SSBP3: variants seen among roughly 807,000 people sequenced by gnomAD.
SSBP3 encodes single-stranded DNA-binding protein 3.
A neutral mutation model predicts 69.6 loss-of-function variants in SSBP3; 5 were observed. That is an observed-to-expected ratio of 0.07 (90% CI 0.04 to 0.15). The LOEUF (loss-of-function observed/expected upper bound fraction) is 0.15, where lower values mean the gene tolerates loss of function less well. Among genes scored for constraint, SSBP3 ranks in the 10% least tolerant of loss-of-function variants. SSBP3 has a pLI of 1.00. For synonymous variants in SSBP3, 196 were observed against 193.4 expected (o/e 1.01, Z -0.11); for missense variants, 312 against 534.0 (o/e 0.58, Z 4.10).
chr1:54,230,304 T>C (rs1489031592), intron 14 of SSBP3, among the ~76,000 whole-genome samples: 1 of 152,136 alleles, frequency 6.6e-6, no homozygotes, highest in Non-Finnish European at 1.5e-5. Context: ...TTAACCTAAG[T>C]GATAGGAGGA....
chr1:54,379,578 A>T (rs1357359375), intron 4 of SSBP3, among the ~76,000 whole-genome samples: 1 of 152,216 alleles, frequency 6.6e-6, no homozygotes, highest in Non-Finnish European at 1.5e-5. Flanking sequence ...TTACATGAAC[A>T]AAGCAAATCT....
chr1:54,324,650 C>T (rs1384366605), intron 4 of SSBP3, among the ~76,000 whole-genome samples: 2 of 141,680 alleles, frequency 1.4e-5, no homozygotes, highest in African/African-American at 2.9e-5. Flanking sequence ...TTTTTCACCC[C>T]GTTCCAGTTC....
At chr1:54,350,830 A>G (rs1646770280) in intron 4 of SSBP3, among the ~76,000 whole-genome samples, 1 of 152,106 alleles carries the variant, frequency 6.6e-6, no homozygotes, top group African/African-American at 2.4e-5. Context: ...GAACCCGCAC[A>G]GCTTCTCAGA....
At chr1:54,386,524 T>C (rs1648091211) in intron 4 of SSBP3, among the ~76,000 whole-genome samples, 1 of 151,798 alleles carries the variant, frequency 6.6e-6, no homozygotes, top group Non-Finnish European at 1.5e-5. Context: ...CCAAGGTTGC[T>C]CATATCCCGT....
intron 4 of SSBP3, among the ~76,000 whole-genome samples, chr1:54,332,385 A>G (rs1238183450): frequency 6.6e-6 from 1 of 152,176 alleles, no homozygotes; most frequent in Admixed American, 6.5e-5. Context: ...GGGAGTGTGG[A>G]GAGGATGATG....
intron 4 of SSBP3, among the ~76,000 whole-genome samples, chr1:54,296,679 G>T (rs1378332223): frequency 1.3e-5 from 2 of 152,186 alleles, no homozygotes. Context: ...ACTTGTGAGG[G>T]TCAAGTTTCT....
At chr1:54,283,781 C>T (rs1317539230) in intron 4 of SSBP3, among the ~76,000 whole-genome samples, 16 of 150,252 alleles carry the variant, frequency 1.1e-4, no homozygotes. Flanking sequence ...TGTAGATCTC[C>T]CCATCCCCCA....
chr1:54,258,778 G>A lies in SSBP3; in HGVS notation c.367-629C>T, dbSNP rs1219597899. 2.0e-5 allele frequency among the ~76,000 whole-genome samples: 3 copies of A among 152,194 alleles called. No individual in the cohort carries two copies. Among genetic ancestry groups the A allele is most frequent in the Non-Finnish European group, 2.9e-5 (2 of 68,036 alleles). On this transcript the variant is annotated intron_variant, in intron 5 of 17. Transcript: ENST00000610401. The surrounding 1 kb of genome is among the most constrained non-coding windows in gnomAD (Gnocchi z 4.5). ...CAGATGTAACACACAGGGAGTGAGG[G>A]GACAGTGAGTGAGGGCCACACGGTG...
At chr1:54,259,017 G>A (rs572288602) in intron 5 of SSBP3, among the ~76,000 whole-genome samples, 6 of 152,120 alleles carry the variant, frequency 3.9e-5, no homozygotes, top group East Asian at 1.9e-4. Flanking sequence ...CAAGAGTTCC[G>A]GTGCAGAGCT....
chr1:54,288,746 G>A (rs1645538990), intron 4 of SSBP3, among the ~76,000 whole-genome samples: 1 of 151,864 alleles, frequency 6.6e-6, no homozygotes, highest in Non-Finnish European at 1.5e-5. Context: ...CTTTTATCTT[G>A]GGTTCAAAAA....
intron 4 of SSBP3, among the ~76,000 whole-genome samples, chr1:54,352,477 C>T (rs1040027809): frequency 2.0e-5 from 3 of 152,192 alleles, no homozygotes; most frequent in African/African-American, 7.2e-5. Flanking sequence ...CTGGGTCATC[C>T]CACTTCCTAT....
chr1:54,243,309 T>C lies in SSBP3; in HGVS notation c.652-10A>G. 6.2e-7 allele frequency: 1 copy of C among 1,613,692 alleles called. No individual in the cohort carries two copies. The highest frequency in any genetic ancestry group is 1.7e-5 in the Admixed American group (1 of 59,998). On this transcript the variant is annotated splice_polypyrimidine_tract_variant and intron_variant, in intron 9 of 17. Coordinates refer to ENST00000610401, the Ensembl canonical transcript of SSBP3. ...TGCCGCTGCCGTAATTCTGCAACGA[T>C]AACCAAGGGTCAGTCTATGAGAAGA...
At chr1:54,235,454 T>A (rs971664243) in intron 14 of SSBP3, among the ~76,000 whole-genome samples, 2 of 128,952 alleles carry the variant, frequency 1.6e-5, no homozygotes, top group Non-Finnish European at 3.2e-5. Context: ...GCTGATTTTT[T>A]TTTTTTTTTT....
chr1:54,383,165 G>A (rs184928707), intron 4 of SSBP3, among the ~76,000 whole-genome samples: 12 of 152,042 alleles, frequency 7.9e-5, no homozygotes, highest in East Asian at 1.9e-4. Context: ...TCTGAGCTCA[G>A]GAGTTTGAGA....
chr1:54,379,796 A>G (rs1350805831), intron 4 of SSBP3, among the ~76,000 whole-genome samples: 1 of 152,034 alleles, frequency 6.6e-6, no homozygotes, highest in Non-Finnish European at 1.5e-5. Flanking sequence ...TCGCCCAAAT[A>G]CCTAGGCCCC....
chr1:54,352,223 CA>C (rs1399458056), intron 4 of SSBP3, among the ~76,000 whole-genome samples: 2 of 149,090 alleles, frequency 1.3e-5, no homozygotes, highest in African/African-American at 5.0e-5. Context: ...AGACACGGCT[CA>C]GGGTACATAA....
chr1:54,244,631 G>C (rs1159892652), intron 9 of SSBP3, among the ~76,000 whole-genome samples: 2 of 152,202 alleles, frequency 1.3e-5, no homozygotes, highest in Non-Finnish European at 2.9e-5. Context: ...AGGCACAGCG[G>C]GGTGGGTCAA....
At chr1:54,225,822 GTTGGTTT>G (rs1188855970) in exon 18 of SSBP3, 1 of 152,762 alleles carries the variant, frequency 6.5e-6, no homozygotes, top group African/African-American at 2.4e-5. Context: ...TGTCGGGCTT[GTTGGTTT>G]TTGAAAGTAA....
chr1:54,384,475 C>T (rs191751832), intron 4 of SSBP3, among the ~76,000 whole-genome samples: 72 of 152,358 alleles, frequency 4.7e-4, no homozygotes, highest in African/African-American at 1.5e-3. Context: ...ATCCACCAAG[C>T]GTCAGGGCCT....
Sources: allele counts gnomAD v4.1 joint callset (sites outside exome capture counted in the v4.1 genomes callset), GRCh38; gene constraint gnomAD v4.1.1; non-coding constraint Gnocchi (gnomAD v3.1); transcripts MANE v1.5; gene names NCBI Gene and HGNC (gene_info 2026-07-23, HGNC 2026-07-21).